Variants in CTNNA3 observed in about 807,000 individuals in gnomAD.
CTNNA3 encodes catenin alpha 3, also known as catenin alpha-3.
In CTNNA3, 76 loss-of-function variants were observed where a neutral mutation model predicts 95.7. The ratio of observed to expected loss-of-function variants is 0.79; its 90% confidence interval spans 0.66 to 0.96. The LOEUF (loss-of-function observed/expected upper bound fraction) is 0.96, where lower values mean the gene tolerates loss of function less well. Ranked by LOEUF, CTNNA3 falls within the 40% of genes least tolerant of loss-of-function variation. The pLI is 0.00. For synonymous variants in CTNNA3, 431 were observed against 374.4 expected, an observed-to-expected ratio of 1.15 and a Z score of -1.74; for missense variants, 1,191 against 1,089.8, an observed-to-expected ratio of 1.09 and a Z score of -1.31.
At chr10:67,609,195 T>C (rs1267014438) in intron 2 of CTNNA3, among the ~76,000 whole-genome samples, 1 of 151,418 alleles carries the variant, frequency 6.6e-6, no homozygotes, top group Non-Finnish European at 1.5e-5. Flanking sequence ...ATCACCATCG[T>C]AGAGGAATGA....
At chr10:67,684,572 C>G (rs567410514) in intron 1 of CTNNA3, among the ~76,000 whole-genome samples, 5 of 152,318 alleles carry the variant, frequency 3.3e-5, no homozygotes, top group South Asian at 2.1e-4. Context: ...GATGACCGCT[C>G]TAGCTACTTC....
chr10:65,990,311 T>C (rs2078516696), intron 15 of CTNNA3, among the ~76,000 whole-genome samples: 1 of 151,876 alleles, frequency 6.6e-6, no homozygotes, highest in African/African-American at 2.4e-5. Flanking sequence ...CCATATTGTT[T>C]TCCATAATGG....
In CTNNA3 at chr10:66,675,151, C is replaced by T. The variant is rs182077336; in HGVS notation, c.1282-53367G>A. 4.3e-4 allele frequency among the ~76,000 whole-genome samples: 65 copies of T among 152,152 alleles called. 2 individuals carry two copies. The highest frequency in any genetic ancestry group is 1.5e-3 in the African/African-American group (63 of 41,558). ...TCTGCTGGAAAGACTGTCTACTTGC[C>T]TCTCAGGGCTTCCTTACCTGGTTTA... On this transcript the variant is annotated intron_variant, in intron 9 of 17. Coordinates refer to ENST00000433211, the MANE Select transcript of CTNNA3 (RefSeq NM_013266.4).
chr10:67,076,234 C>G (rs1856741063), intron 7 of CTNNA3, among the ~76,000 whole-genome samples: 1 of 152,196 alleles, frequency 6.6e-6, no homozygotes. Context: ...ATCCTTATCT[C>G]TAACTATTTT....
At chr10:66,306,317 G>T (rs1232111357) in intron 12 of CTNNA3, among the ~76,000 whole-genome samples, 1 of 152,096 alleles carries the variant, frequency 6.6e-6, no homozygotes, top group East Asian at 1.9e-4. Flanking sequence ...GTTTAACTAG[G>T]TATTCAATAA....
chr10:66,310,602 G>A (rs564768079), intron 12 of CTNNA3, among the ~76,000 whole-genome samples: 7 of 151,934 alleles, frequency 4.6e-5, no homozygotes, highest in African/African-American at 1.7e-4. Context: ...CATGCCTGAA[G>A]AGGGTAACAT....
intron 12 of CTNNA3, among the ~76,000 whole-genome samples, chr10:66,286,383 A>G (rs2091589160): frequency 6.6e-6 from 1 of 152,050 alleles, no homozygotes. Flanking sequence ...TTTTTAAAAA[A>G]TCTACTCCTG....
At position 65,970,235 on chromosome 10, in the gene CTNNA3, T is replaced by A. The variant is rs1055959784; in HGVS notation, c.2266-3489A>T. On this transcript the variant is annotated intron_variant, in intron 16 of 17. Transcript: ENST00000433211. ...TCCAGACAAACAAGCACTAAAAAAA[T>A]TAATTACCATTAGGCCAGTTGTGTC... Among the ~76,000 whole-genome samples, 30 of 152,050 alleles carry A rather than the reference T, an allele frequency of 2.0e-4. 1 individual carries two copies. Among genetic ancestry groups the A allele is most frequent in the African/African-American group, 6.8e-4 (28 of 41,430 alleles).
chr10:67,748,279 G>T (rs117030189), intron 1 of CTNNA3, among the ~76,000 whole-genome samples: 1 of 151,950 alleles, frequency 6.6e-6, no homozygotes, highest in African/African-American at 2.4e-5. Flanking sequence ...TCCATGAGAA[G>T]ATCACCCCAA....
intron 15 of CTNNA3, among the ~76,000 whole-genome samples, chr10:66,050,272 A>C (rs1210323906): frequency 1.3e-5 from 2 of 152,164 alleles, no homozygotes; most frequent in Non-Finnish European, 2.9e-5. Flanking sequence ...TCTGAAATCC[A>C]AAATATCTGA....
intron 1 of CTNNA3, among the ~76,000 whole-genome samples, chr10:67,684,880 G>T (rs1425745598): frequency 6.6e-6 from 1 of 152,144 alleles, no homozygotes; most frequent in Non-Finnish European, 1.5e-5. Flanking sequence ...CCAGAGGTTG[G>T]TATAAGAGTT....
chr10:66,764,668 T>C (rs554311299), intron 9 of CTNNA3, among the ~76,000 whole-genome samples: 51 of 152,326 alleles, frequency 3.3e-4, no homozygotes, highest in African/African-American at 1.2e-3. Context: ...AACACATTTT[T>C]AGATAACACT....
intron 9 of CTNNA3, among the ~76,000 whole-genome samples, chr10:66,670,241 T>C (rs927147401): frequency 6.6e-6 from 1 of 152,152 alleles, no homozygotes; most frequent in Non-Finnish European, 1.5e-5. Context: ...TTCTCAGTTC[T>C]ATAGGTCAGA....
At chr10:66,783,030 T>C (rs141391662) in intron 7 of CTNNA3, among the ~76,000 whole-genome samples, 98 of 152,172 alleles carry the variant, frequency 6.4e-4, no homozygotes, top group Non-Finnish European at 1.1e-3. Context: ...ATCTTTAGGG[T>C]TCCTCTGAAC....
At chr10:66,249,403 A>C (rs1331818630) in intron 13 of CTNNA3, among the ~76,000 whole-genome samples, 2 of 152,192 alleles carry the variant, frequency 1.3e-5, no homozygotes, top group African/African-American at 4.8e-5. Context: ...CAGAATATAT[A>C]AGTAGCTCAA....
At chr10:66,648,083 T>C (rs1435244930) in intron 9 of CTNNA3, among the ~76,000 whole-genome samples, 1 of 152,132 alleles carries the variant, frequency 6.6e-6, no homozygotes, top group Non-Finnish European at 1.5e-5. Context: ...TCTGTTAACT[T>C]CCATGTTTCC....
intron 5 of CTNNA3, among the ~76,000 whole-genome samples, chr10:67,509,395 A>T (rs1233952426): frequency 1.3e-5 from 2 of 151,836 alleles, no homozygotes; most frequent in African/African-American, 4.8e-5. Flanking sequence ...CCTGTGTCCA[A>T]GTGTTCCCAC....
At chr10:66,767,471 C>A (rs996053472) in intron 8 of CTNNA3, among the ~76,000 whole-genome samples, 134 of 107,784 alleles carry the variant, frequency 1.2e-3, no homozygotes, top group African/African-American at 4.1e-3. Context: ...AAAAAAAAAT[C>A]ATAATATCCT....
At chr10:66,763,753 C>T (rs1839719831) in intron 9 of CTNNA3, among the ~76,000 whole-genome samples, 1 of 152,182 alleles carries the variant, frequency 6.6e-6, no homozygotes. Context: ...CAGAACCCAA[C>T]CACCATGCTG....
Sources: gnomAD v4.1 joint callset for allele counts (sites outside exome capture counted in the v4.1 genomes callset) on GRCh38, gnomAD v4.1.1 for gene constraint, MANE v1.5 for transcripts, NCBI Gene and HGNC (gene_info 2026-07-23, HGNC 2026-07-21) for gene names.